The following TRMT13 variants were observed in gnomAD, a reference collection of about 807,000 sequenced individuals.
The protein encoded by TRMT13 is tRNA:m(4)X modification enzyme TRM13 homolog.
TRMT13 carries 45 observed loss-of-function variants against 55.9 expected under a neutral mutation model. That is an observed-to-expected ratio of 0.80 (90% CI 0.63 to 1.03). The LOEUF (loss-of-function observed/expected upper bound fraction) is 1.03. Among genes scored for constraint, TRMT13 ranks in the 50% least tolerant of loss-of-function variants. The probability of loss-of-function intolerance (pLI) is 0.00; values close to 1 mark genes in which losing one functional copy is unlikely to be tolerated. For synonymous variants in TRMT13, 183 were observed against 196.3 expected (o/e 0.93, Z 0.57); for missense variants, 513 against 563.9 (o/e 0.91, Z 0.91).
At chr1:100,148,519 A>G (rs2101749942) in intron 10 of TRMT13, 106 bp from the exon 11 acceptor site, 3 of 1,135,914 alleles carry the variant, frequency 2.6e-6, no homozygotes, top group East Asian at 5.0e-5. Flanking sequence ...AGTACTTAGT[A>G]CATTATGGGT....
At chr1:100,144,332 G>C in intron 9 of TRMT13, 189 bp downstream of exon 9, 2 of 505,788 alleles carry the variant, frequency 4.0e-6, no homozygotes, top group Non-Finnish European at 7.0e-6. Flanking sequence ...TGGCCATTTT[G>C]CAGGATGAAT....
rs1212060068 is a variant in TRMT13 at position 100,149,447 on chromosome 1, G to GA, written c.*633dup. On this transcript the variant is annotated 3_prime_UTR_variant, in exon 11 of 11. Transcript: ENST00000370141. The stretch of plus-strand genomic sequence containing the variant: ...ACAAAACTGAAGAGCTGTTTTCAAA[G>GA]AAAAAAGATTATTTCACTTAATTAT... 1.3e-6 allele frequency: 2 copies of GA among 1,532,942 alleles called. No individual in the cohort carries two copies. Among genetic ancestry groups the GA allele is most frequent in the Admixed American group, 2.1e-5 (1 of 47,592 alleles). The allele number at this position is 1,532,942 out of a possible 1,614,324, so 95.0% of individuals were successfully genotyped here. A position where few individuals can be genotyped will look rare whatever the true frequency, so the allele number is the denominator to read the frequency against.
chr1:100,145,081 A>G (rs1435703761), intron 9 of TRMT13, among the ~76,000 whole-genome samples: 2 of 152,208 alleles, frequency 1.3e-5, no homozygotes, highest in Non-Finnish European at 2.9e-5. Flanking sequence ...CACAAATACC[A>G]TTGTGTTACA....
In TRMT13 at chr1:100,140,983, C is replaced by G. The variant is rs201445065; in HGVS notation, c.633C>G (p.His211Gln). 8.7e-6 allele frequency: 14 copies of G among 1,613,242 alleles called. No homozygotes were observed. In the Admixed American group the frequency reaches 2.0e-4, roughly 23 times the overall value. The change falls in exon 7 of 11, where the codon CAC becomes CAG. Residue 211 changes from histidine to glutamine, a missense_variant. Around this residue, in one of 3 missense-constraint regions of TRMT13, gnomAD observed 298 missense variants for 290.3 expected, o/e 1.03. Coordinates refer to ENST00000370141, the MANE Select transcript of TRMT13 (RefSeq NM_019083.3). Reference sequence around the variant, plus strand: ...CCTTAAAAGATGCTGAAAAAGTTCACTTCATCCTAGTGGAAAAGGTGACCA... The same window carrying G: ...CCTTAAAAGATGCTGAAAAAGTTCAGTTCATCCTAGTGGAAAAGGTGACCA... The part of the protein sequence containing the change: ...DIALKDAEKV[H>Q]FILVEKVTTR...
chr1:100,148,219 A>G lies in TRMT13; in HGVS notation c.1143A>G (p.Glu381=), dbSNP rs1266070704. ...ATCGMRKTSL[E]TSNSTTKRQD... is the part of the protein sequence containing the mutation. ...GTGGGATGCGGAAAACATCTTTGGA[A>G]ACCTCAAATAGTACCACAAAGAGGC... The change falls in exon 10 of 11, where the codon GAA becomes GAG. Residue 381 remains glutamate, a synonymous_variant. Coordinates refer to ENST00000370141, the MANE Select transcript of TRMT13 (RefSeq NM_019083.3). The G allele has an allele frequency of 6.2e-7, 1 of 1,614,076 alleles. No individual in the cohort carries two copies. Among genetic ancestry groups the G allele is most frequent in the African/African-American group, 1.3e-5 (1 of 74,920 alleles).
In TRMT13 at chr1:100,142,773, TG is replaced by T. The variant is rs373633402; in HGVS notation, c.670-363del. 2.2e-3 allele frequency: 506 copies of T among 230,030 alleles called. 13 individuals are homozygous for T. The South Asian group carries it at 0.03, about 14-fold the overall frequency. 14.2% of individuals were successfully genotyped at this position (230,030 alleles called of 1,614,324 possible). ...ACATAGGTATAGATTAGAATGGTTG[TG>T]ATCTTTCAGGAGAGCAAGAAGAGGA... On this transcript the variant is annotated intron_variant, in intron 7 of 10. Coordinates refer to ENST00000370141, the MANE Select transcript of TRMT13 (RefSeq NM_019083.3).
chr1:100,133,226 G>T lies in TRMT13; in HGVS notation c.58G>T (p.Gly20Cys). The T allele has an allele frequency of 3.7e-6, 6 of 1,614,188 alleles. No homozygotes were observed. Among genetic ancestry groups the T allele is most frequent in the Non-Finnish European group, 5.1e-6 (6 of 1,180,038 alleles). Residue 20 changes from glycine to cysteine, a missense_variant, in exon 1 of 11, where the codon GGT becomes TGT. Coordinates refer to ENST00000370141, the MANE Select transcript of TRMT13 (RefSeq NM_019083.3). ...TGGTTTTCCAGCTGAGGGTAGATGC[G>T]GTTACTATGTGGAAAAGAAGAAACG... The part of the protein sequence containing the change: ...APGFPAEGRC[G>C]YYVEKKKRFC...
At chr1:100,135,696 TCTGGC>T (rs909609509) in intron 1 of TRMT13, among the ~76,000 whole-genome samples, 2 of 152,198 alleles carry the variant, frequency 1.3e-5, no homozygotes, top group Non-Finnish European at 2.9e-5. Context: ...ACCTAGGCAG[TCTGGC>T]TGGCCTGTGT....
intron 6 of TRMT13, 132 bp from the exon 7 acceptor site, chr1:100,140,720 G>A: frequency 1.0e-6 from 1 of 986,926 alleles, no homozygotes; most frequent in Non-Finnish European, 1.5e-6. Flanking sequence ...AAAGGCAAGA[G>A]AGAAAAATTT....
At chr1:100,140,061 A>T in intron 4 of TRMT13, 121 bp from the exon 5 acceptor site, 1 of 656,684 alleles carries the variant, frequency 1.5e-6, no homozygotes, top group Non-Finnish European at 2.6e-6. Flanking sequence ...AAAAGGCTTG[A>T]TAGAGAGAAG....
Position 100,140,530 on chromosome 1 carries a change from A to G in TRMT13, c.501+16A>G, listed in dbSNP as rs778821066. 2.6e-6 allele frequency: 4 copies of G among 1,533,442 alleles called. No individual in the cohort carries two copies. The highest frequency in any genetic ancestry group is 2.7e-5 in the African/African-American group (2 of 73,160). The allele number at this position is 1,533,442 out of a possible 1,614,324, so 95.0% of individuals were successfully genotyped here. ...GAAACAGCAGGTATGTTTAGGCTAT[A>G]GTAACTACTAAACATGGCCTTTGTT... On this transcript the variant is annotated intron_variant, in intron 6 of 10. Coordinates refer to ENST00000370141, the MANE Select transcript of TRMT13 (RefSeq NM_019083.3).
At position 100,148,876 on chromosome 1, in the gene TRMT13, AT is replaced by A; in HGVS notation, c.*61del. The A allele has an allele frequency of 8.4e-7, 1 of 1,184,988 alleles. No homozygotes were observed. The highest frequency in any genetic ancestry group is 2.9e-5 in the South Asian group (1 of 34,656). The allele number at this position is 1,184,988 out of a possible 1,614,324, so 73.4% of individuals were successfully genotyped here. ...CCACCAAAAAAAATTTTTTAATTAT[AT>A]TTTTATATCAAAAAAATATATACTT... is the stretch of plus-strand genomic sequence containing the variant. On this transcript the variant is annotated 3_prime_UTR_variant, in exon 11 of 11. Transcript: ENST00000370141.
chr1:100,140,177 T>C lies in TRMT13; in HGVS notation c.325-5T>C. The C allele has an allele frequency of 6.3e-7, 1 of 1,598,590 alleles. No individual in the cohort carries two copies. The stretch of plus-strand genomic sequence containing the variant: ...TACATTATTTAGTTTTATTTTTGTA[T>C]ATAGGTTCCAATTTCTTCTCTATCT... On this transcript the variant is annotated splice_polypyrimidine_tract_variant and splice_region_variant and intron_variant, in intron 4 of 10. Transcript: ENST00000370141.
rs982401197 is a variant in TRMT13, at chr1:100,149,996, C to T, written c.*1176C>T. On this transcript the variant is annotated 3_prime_UTR_variant, in exon 11 of 11. Transcript: ENST00000370141. Reference sequence around the variant, plus strand: ...TCTCATATATCTTGTCAGACTGTCTCGGTTCAAATTCCAAACCTACCATCT... The same window carrying T: ...TCTCATATATCTTGTCAGACTGTCTTGGTTCAAATTCCAAACCTACCATCT... The T allele has an allele frequency of 2.6e-5, 4 of 152,256 alleles. No homozygotes were observed. The highest frequency in any genetic ancestry group is 7.2e-5 in the African/African-American group (3 of 41,430). 9.4% of individuals were successfully genotyped at this position (152,256 alleles called of 1,614,324 possible).
chr1:100,139,756 G>A (rs1656361655), intron 4 of TRMT13, 45 bp downstream of exon 4: 1 of 1,217,270 alleles, frequency 8.2e-7, no homozygotes, highest in Non-Finnish European at 1.2e-6. Context: ...ATATTTATAA[G>A]CTCTCTTCAT....
At chr1:100,147,652 C>G (rs1657450018) in intron 9 of TRMT13, among the ~76,000 whole-genome samples, 1 of 152,140 alleles carries the variant, frequency 6.6e-6, no homozygotes, top group Admixed American at 6.5e-5. Flanking sequence ...TCTTAAGCTT[C>G]AGATAGCTTT....
At chr1:100,144,280 T>C in intron 9 of TRMT13, 137 bp downstream of exon 9, 2 of 628,038 alleles carry the variant, frequency 3.2e-6, no homozygotes, top group Non-Finnish European at 5.5e-6. Context: ...ACTGGCCCTG[T>C]GCTTTATTAG....
intron 3 of TRMT13, among the ~76,000 whole-genome samples, chr1:100,137,644 G>T (rs1656053558): frequency 6.6e-6 from 1 of 152,126 alleles, no homozygotes; most frequent in Non-Finnish European, 1.5e-5. Flanking sequence ...AGGGTGCTTG[G>T]TATACAAGCT....
chr1:100,137,953 A>G (rs79460176), intron 3 of TRMT13, among the ~76,000 whole-genome samples: 45 of 152,342 alleles, frequency 3.0e-4, no homozygotes, highest in East Asian at 2.3e-3. Flanking sequence ...TTTGTTTGCA[A>G]ATATCTTCCT....
Sources: allele counts gnomAD v4.1 joint callset (sites outside exome capture counted in the v4.1 genomes callset), GRCh38; gene constraint gnomAD v4.1.1; regional missense constraint gnomAD v4.1.1; transcripts MANE v1.5; gene names NCBI Gene and HGNC (gene_info 2026-07-23, HGNC 2026-07-21).